PDE4D: variants seen among roughly 807,000 people sequenced by gnomAD.
The protein encoded by PDE4D is 3',5'-cyclic-AMP phosphodiesterase 4D.
PDE4D carries 24 observed loss-of-function variants against 87.4 expected under a neutral mutation model. That is an observed-to-expected ratio of 0.27 (90% CI 0.20 to 0.39). PDE4D has a LOEUF of 0.39. Among genes scored for constraint, PDE4D ranks in the 10% least tolerant of loss-of-function variants. The pLI is 1.00. For missense variants in PDE4D, 714 were observed against 1,041.0 expected (o/e 0.69, Z 4.32); for synonymous variants, 384 against 383.2 (o/e 1.00, Z -0.02).
At chr5:59,768,253 T>A (rs765287869) in intron 1 of PDE4D, 2 of 1,598,250 alleles carry the variant, frequency 1.3e-6, no homozygotes. Flanking sequence ...TTACCATGTA[T>A]GTGCCACCGT....
intron 1 of PDE4D, among the ~76,000 whole-genome samples, chr5:60,246,019 GTACCCCATGCC>G (rs1391255675): frequency 2.1e-5 from 1 of 47,126 alleles, no homozygotes; most frequent in Non-Finnish European, 3.8e-5. Context: ...TTGCATGCCT[GTACCCCATGCC>G]TGTACAAAAT....
intron 2 of PDE4D, among the ~76,000 whole-genome samples, chr5:60,047,986 A>C (rs1165797465): frequency 6.6e-6 from 1 of 151,912 alleles, no homozygotes; most frequent in African/African-American, 2.4e-5. Context: ...CCCATTATTA[A>C]TGTGTGGGAG....
chr5:60,146,306 G>A (rs749106427), intron 2 of PDE4D, among the ~76,000 whole-genome samples: 2 of 152,186 alleles, frequency 1.3e-5, no homozygotes, highest in African/African-American at 2.4e-5. Flanking sequence ...CTATAAATGT[G>A]CATGGTTGAT....
At chr5:58,993,082 T>C (rs10074854) in intron 7 of PDE4D, among the ~76,000 whole-genome samples, 124,230 of 152,034 alleles carry the variant, frequency 0.82, 50,915 homozygotes, top group Admixed American at 0.88. Context: ...TATGAATAGA[T>C]CTCTCTATAA....
chr5:60,119,685 A>G (rs982070747), intron 2 of PDE4D, among the ~76,000 whole-genome samples: 3 of 152,232 alleles, frequency 2.0e-5, no homozygotes, highest in African/African-American at 7.2e-5. Flanking sequence ...TATGAAACAT[A>G]TAGGACAATG....
rs896832948 is a variant in PDE4D, at chr5:59,182,010, C to T, written c.759-1366G>A. On this transcript the variant is annotated intron_variant, in intron 4 of 14. Transcript: ENST00000340635. ...GTAAATTCTCACTGGTTCCACTCAGCCTCTGGCTCCCTTTCATTGCTCCTA... is the reference window on the plus strand; with the variant it reads ...GTAAATTCTCACTGGTTCCACTCAGTCTCTGGCTCCCTTTCATTGCTCCTA... Among the ~76,000 whole-genome samples, 35 of 152,094 alleles carry T rather than the reference C, an allele frequency of 2.3e-4. 1 individual carries two copies. Among genetic ancestry groups the T allele is most frequent in the Admixed American group, 2.2e-3 (33 of 15,262 alleles).
upstream of PDE4D, among the ~76,000 whole-genome samples, chr5:59,894,584 G>A (rs1751438328): frequency 6.6e-6 from 1 of 152,192 alleles, no homozygotes; most frequent in Non-Finnish European, 1.5e-5. Context: ...TAGTTGCAGA[G>A]CCATGGCTGA....
chr5:59,366,364 C>G (rs1291883946), intron 1 of PDE4D, among the ~76,000 whole-genome samples: 1 of 152,072 alleles, frequency 6.6e-6, no homozygotes, highest in Non-Finnish European at 1.5e-5. Flanking sequence ...CTAAATCTTA[C>G]TAACAAAAAT....
In PDE4D at chr5:59,968,984, A is replaced by G. The variant is rs907845979; in HGVS notation, c.272+19504T>C. 4.4e-5 allele frequency among the ~76,000 whole-genome samples: 6 copies of G among 135,778 alleles called. No homozygotes were observed. The East Asian group carries it at 1.0e-3, about 23-fold the overall frequency. 89.1% of individuals were successfully genotyped at this position (135,778 alleles called of 152,430 possible). ...AAGAGTACTGTGTTCATCAAGGAAG[A>G]AAAGGCACCCCCCCCCCGAAAAAAA... On this transcript the variant is annotated intron_variant, in intron 3 of 16. Transcript: ENST00000502484.
intron 1 of PDE4D, among the ~76,000 whole-genome samples, chr5:60,313,857 T>C (rs1366896061): frequency 6.6e-6 from 1 of 152,212 alleles, no homozygotes; most frequent in East Asian, 1.9e-4. Flanking sequence ...ATCACCTTGA[T>C]AGATGAGGAA....
chr5:59,012,597 A>T (rs1429391616), intron 6 of PDE4D, among the ~76,000 whole-genome samples: 1 of 152,250 alleles, frequency 6.6e-6, no homozygotes, highest in Non-Finnish European at 1.5e-5. Context: ...CAACAAGAAG[A>T]GCTAACTATC....
At position 58,975,104 on chromosome 5, in the gene PDE4D, T is replaced by A; in HGVS notation, c.2014-24A>T. ...ACCTAGTTAAGAAAAAAATCCAGTA[T>A]GAGTAGAGGACTTGGGACTAAGAAA... is the stretch of plus-strand genomic sequence containing the variant. On this transcript the variant is annotated intron_variant, in intron 14 of 14. Coordinates refer to ENST00000340635, the MANE Select transcript of PDE4D (RefSeq NM_001104631.2). This position sits in a 1 kb window ranked among gnomAD's most constrained non-coding sequence, Gnocchi z 4.2. 7.1e-7 allele frequency: 1 copy of A among 1,408,754 alleles called. No individual in the cohort carries two copies. The highest frequency in any genetic ancestry group is 9.4e-7 in the Non-Finnish European group (1 of 1,061,348). 87.3% of individuals were successfully genotyped at this position (1,408,754 alleles called of 1,614,324 possible).
chr5:59,811,552 T>C (rs1179385315), intron 1 of PDE4D, among the ~76,000 whole-genome samples: 1 of 152,208 alleles, frequency 6.6e-6, no homozygotes, highest in Non-Finnish European at 1.5e-5. Flanking sequence ...ATGTCCTACT[T>C]TCCTGACTCT....
chr5:59,651,963 C>T (rs1743576746), intron 1 of PDE4D, among the ~76,000 whole-genome samples: 1 of 152,176 alleles, frequency 6.6e-6, no homozygotes, highest in South Asian at 2.1e-4. Flanking sequence ...GTTCCAGCAT[C>T]TACTATCAAG....
At chr5:60,401,608 G>A (rs1741096491) in intron 1 of PDE4D, among the ~76,000 whole-genome samples, 1 of 152,200 alleles carries the variant, frequency 6.6e-6, no homozygotes, top group Non-Finnish European at 1.5e-5. Context: ...CCGCACCAAT[G>A]TTGATCAGCA....
chr5:59,472,221 G>T (rs1353120386), intron 1 of PDE4D, among the ~76,000 whole-genome samples: 2 of 152,184 alleles, frequency 1.3e-5, no homozygotes, highest in African/African-American at 2.4e-5. Flanking sequence ...AAGTAAATAT[G>T]CTTGCTGACC....
At chr5:60,116,096 A>G (rs1778147679) in intron 2 of PDE4D, among the ~76,000 whole-genome samples, 1 of 152,038 alleles carries the variant, frequency 6.6e-6, no homozygotes, top group African/African-American at 2.4e-5. Context: ...TCTTTAACTC[A>G]TCTCCAGAAA....
chr5:59,494,839 A>T (rs1170478823), intron 1 of PDE4D, among the ~76,000 whole-genome samples: 1 of 152,160 alleles, frequency 6.6e-6, no homozygotes, highest in Non-Finnish European at 1.5e-5. Context: ...TGCGGACTAC[A>T]AGCTGAGCCC....
At chr5:60,182,610 G>T (rs1475126605) in intron 2 of PDE4D, among the ~76,000 whole-genome samples, 1 of 152,030 alleles carries the variant, frequency 6.6e-6, no homozygotes, top group Non-Finnish European at 1.5e-5. Flanking sequence ...CCAGCGCCGT[G>T]GCTCATGCCT....
Sources: allele counts gnomAD v4.1 joint callset (sites outside exome capture counted in the v4.1 genomes callset), GRCh38; gene constraint gnomAD v4.1.1; non-coding constraint Gnocchi (gnomAD v3.1); transcripts MANE v1.5; gene names NCBI Gene and HGNC (gene_info 2026-07-23, HGNC 2026-07-21).